Variants in DLGAP1 observed in about 807,000 individuals in gnomAD.
DLGAP1 encodes DLG associated protein 1.
In DLGAP1, 11 loss-of-function variants were observed where a neutral mutation model predicts 90.8. That is an observed-to-expected ratio of 0.12 (90% CI 0.08 to 0.20). DLGAP1 has a LOEUF of 0.20. Among genes scored for constraint, DLGAP1 ranks in the 10% least tolerant of loss-of-function variants. DLGAP1 has a pLI of 1.00. For missense variants in DLGAP1, 1,050 were observed against 1,333.8 expected, an observed-to-expected ratio of 0.79 and a Z score of 3.31; for synonymous variants, 558 against 540.7, an observed-to-expected ratio of 1.03 and a Z score of -0.44.
intron 2 of DLGAP1, among the ~76,000 whole-genome samples, chr18:4,035,127 G>C (rs554559738): frequency 6.6e-6 from 1 of 152,138 alleles, no homozygotes; most frequent in African/African-American, 2.4e-5. Flanking sequence ...GAATAGTGCC[G>C]CAATAAACAT....
intron 1 of DLGAP1, among the ~76,000 whole-genome samples, chr18:4,170,564 T>C (rs2077005904): frequency 6.6e-6 from 1 of 152,034 alleles, no homozygotes; most frequent in South Asian, 2.1e-4. Flanking sequence ...GAGGATAAAC[T>C]GGATATGAGA....
At chr18:3,980,160 A>AAAAAAGT (rs1055433661) in intron 3 of DLGAP1, among the ~76,000 whole-genome samples, 1 of 152,170 alleles carries the variant, frequency 6.6e-6, no homozygotes, top group African/African-American at 2.4e-5. Context: ...TAAATAAACA[A>AAAAAAGT]AAAAAGTAAA....
intron 7 of DLGAP1, chr18:3,721,403 G>C (rs1167261500): frequency 6.6e-6 from 1 of 152,110 alleles, no homozygotes; most frequent in Non-Finnish European, 1.5e-5. Context: ...TTGGATATTT[G>C]ATCTTCCAAA....
In DLGAP1 at chr18:4,232,562, T is replaced by TA. The variant is rs146919605; in HGVS notation, c.-266-81276dup. Among the ~76,000 whole-genome samples the TA allele has an allele frequency of 5.9e-4, 90 of 152,276 alleles. 1 individual carries two copies. The South Asian group carries it at 6.8e-3, about 12-fold the overall frequency. ...TTTATAAGACAATGTTGTTGTAATGTAAAAGCCATTTTTTTGCAGAAAGAA... is the reference window on the plus strand; with the variant it reads ...TTTATAAGACAATGTTGTTGTAATGTAAAAAGCCATTTTTTTGCAGAAAGAA... On this transcript the variant is annotated intron_variant, in intron 1 of 12. Coordinates refer to ENST00000315677, the MANE Select transcript of DLGAP1 (RefSeq NM_004746.4).
At chr18:3,725,182 C>T (rs552900456) in intron 7 of DLGAP1, among the ~76,000 whole-genome samples, 7 of 151,948 alleles carry the variant, frequency 4.6e-5, no homozygotes, top group African/African-American at 7.3e-5. Flanking sequence ...TGTATTTGGC[C>T]GGATGTGTGA....
chr18:4,125,541 T>C (rs1257327241), intron 2 of DLGAP1, among the ~76,000 whole-genome samples: 1 of 152,130 alleles, frequency 6.6e-6, no homozygotes, highest in Non-Finnish European at 1.5e-5. Flanking sequence ...AGGGCTGGAA[T>C]AGTGGAGACT....
chr18:3,650,871 A>G (rs1180897769), intron 7 of DLGAP1, among the ~76,000 whole-genome samples: 1 of 151,688 alleles, frequency 6.6e-6, no homozygotes, highest in African/African-American at 2.4e-5. Flanking sequence ...GTTGGAGACC[A>G]TCCTGGCCAA....
intron 2 of DLGAP1, among the ~76,000 whole-genome samples, chr18:4,124,227 A>G (rs1460747805): frequency 2.0e-5 from 3 of 152,110 alleles, no homozygotes; most frequent in African/African-American, 7.2e-5. Flanking sequence ...TCTCCTATGA[A>G]TCTATGTTAT....
At chr18:4,184,622 CAGGATCCTACTACTTGGAT>C (rs1204310165) in intron 1 of DLGAP1, among the ~76,000 whole-genome samples, 1 of 152,086 alleles carries the variant, frequency 6.6e-6, no homozygotes, top group Non-Finnish European at 1.5e-5. Context: ...ACACACTACC[CAGGATCCTACTACTTGGAT>C]AAAAAGCCAA....
chr18:3,735,336 C>T (rs542399736), intron 6 of DLGAP1, among the ~76,000 whole-genome samples: 43 of 152,350 alleles, frequency 2.8e-4, no homozygotes, highest in South Asian at 2.1e-4. Context: ...TCTTCTGCCT[C>T]AGCCTCCTGA....
chr18:4,144,249 C>T (rs2076543758), intron 2 of DLGAP1, among the ~76,000 whole-genome samples: 1 of 152,172 alleles, frequency 6.6e-6, no homozygotes, highest in Non-Finnish European at 1.5e-5. Flanking sequence ...GCACTTTAGC[C>T]CACAGTGGTG....
intron 7 of DLGAP1, among the ~76,000 whole-genome samples, chr18:3,629,674 AAAAT>A (rs747295829): frequency 6.6e-6 from 1 of 151,948 alleles, no homozygotes; most frequent in Non-Finnish European, 1.5e-5. Flanking sequence ...TCTGTCTCAA[AAAAT>A]AAATAAATAA....
At position 3,658,556 on chromosome 18, in the gene DLGAP1, C is replaced by G. The variant is rs552825428; in HGVS notation, c.1591+70579G>C. On this transcript the variant is annotated intron_variant, in intron 7 of 12. Transcript: ENST00000315677. ...GCCAGTTATTTCAAAACCTGTGAAG[C>G]CTTTCATTGCAAAAATAAACTATAC... 4.1e-4 allele frequency among the ~76,000 whole-genome samples: 62 copies of G among 152,312 alleles called. 1 individual carries two copies. Among genetic ancestry groups the G allele is most frequent in the Middle Eastern group, 3.4e-3 (1 of 294 alleles).
intron 5 of DLGAP1, among the ~76,000 whole-genome samples, chr18:3,746,877 TC>T (rs2063292273): frequency 6.6e-6 from 1 of 152,230 alleles, no homozygotes. Context: ...TACGATTGCA[TC>T]TATTCTTAAA....
intron 1 of DLGAP1, among the ~76,000 whole-genome samples, chr18:4,375,761 A>G (rs987874003): frequency 6.6e-6 from 1 of 152,218 alleles, no homozygotes; most frequent in African/African-American, 2.4e-5. Context: ...AAGAAGCAAT[A>G]GAATAAAATC....
intron 3 of DLGAP1, among the ~76,000 whole-genome samples, chr18:3,883,152 G>A (rs1416512950): frequency 6.6e-6 from 1 of 152,236 alleles, no homozygotes; most frequent in Non-Finnish European, 1.5e-5. Flanking sequence ...GCTGAGGCAG[G>A]AGAATTGCTT....
At chr18:4,282,830 T>C (rs1481979330) in intron 1 of DLGAP1, among the ~76,000 whole-genome samples, 1 of 152,226 alleles carries the variant, frequency 6.6e-6, no homozygotes, top group Non-Finnish European at 1.5e-5. Context: ...TTTAAAAATA[T>C]GGATATGATC....
intron 1 of DLGAP1, among the ~76,000 whole-genome samples, chr18:4,354,040 G>A (rs1400625077): frequency 2.0e-5 from 3 of 152,246 alleles, no homozygotes; most frequent in Admixed American, 6.5e-5. Flanking sequence ...TGTTGTTACC[G>A]CCATCGACAG....
chr18:4,182,144 T>A (rs1355345436), intron 1 of DLGAP1, among the ~76,000 whole-genome samples: 1 of 152,054 alleles, frequency 6.6e-6, no homozygotes, highest in Non-Finnish European at 1.5e-5. Context: ...ATTACCAACC[T>A]TTTTTCTGAC....
Sources: gnomAD v4.1 joint callset for allele counts (sites outside exome capture counted in the v4.1 genomes callset) on GRCh38, gnomAD v4.1.1 for gene constraint, MANE v1.5 for transcripts, NCBI Gene and HGNC (gene_info 2026-07-23, HGNC 2026-07-21) for gene names.